Variants in CADPS observed in about 807,000 individuals in gnomAD.
CADPS encodes the protein calcium-dependent secretion activator 1.
A neutral mutation model predicts 167.3 loss-of-function variants in CADPS; 57 were observed. The ratio of observed to expected loss-of-function variants is 0.34; its 90% CI spans 0.28 to 0.42. The LOEUF is 0.42. CADPS is among the 20% of genes least tolerant of loss of function. CADPS has a pLI of 1.00. For synonymous variants in CADPS, 676 were observed against 635.3 expected (o/e 1.06, Z -0.96); for missense variants, 1,414 against 1,738.1 (o/e 0.81, Z 3.32).
chr3:62,645,069 T>A (rs548836385), intron 6 of CADPS, among the ~76,000 whole-genome samples: 2 of 152,226 alleles, frequency 1.3e-5, no homozygotes, highest in East Asian at 3.9e-4. Flanking sequence ...GCTAATACAT[T>A]CAGAACTATG....
chr3:62,608,697 CT>C (rs530119803), intron 6 of CADPS, among the ~76,000 whole-genome samples: 19 of 152,172 alleles, frequency 1.2e-4, no homozygotes, highest in Admixed American at 5.9e-4. Flanking sequence ...TATACAGTTC[CT>C]TTTAAAATGT....
chr3:62,771,283 A>G (rs970260748), intron 1 of CADPS, among the ~76,000 whole-genome samples: 2 of 152,208 alleles, frequency 1.3e-5, no homozygotes, highest in East Asian at 1.9e-4. Flanking sequence ...CTCTGGCGAT[A>G]TAACAGTATC....
chr3:62,476,748 G>A (rs1247938956), intron 23 of CADPS, among the ~76,000 whole-genome samples: 1 of 152,094 alleles, frequency 6.6e-6, no homozygotes, highest in Non-Finnish European at 1.5e-5. Context: ...GGACATGCAT[G>A]TCTTTCTGTA....
chr3:62,772,239 T>A (rs1263251027), intron 1 of CADPS, among the ~76,000 whole-genome samples: 1 of 152,216 alleles, frequency 6.6e-6, no homozygotes, highest in Admixed American at 6.5e-5. Context: ...CTTTTGAAGG[T>A]ATCACTGATG....
intron 7 of CADPS, among the ~76,000 whole-genome samples, chr3:62,588,398 A>G (rs1484104402): frequency 7.0e-6 from 1 of 143,170 alleles, no homozygotes. Context: ...AGGGTTTTTT[A>G]CCAGTCATTA....
intron 8 of CADPS, among the ~76,000 whole-genome samples, chr3:62,573,633 T>G (rs901483895): frequency 6.6e-6 from 1 of 152,214 alleles, no homozygotes; most frequent in Non-Finnish European, 1.5e-5. Context: ...CCTCTGTAAC[T>G]TGGTACAACC....
chr3:62,824,007 G>T (rs2073529445), intron 1 of CADPS, among the ~76,000 whole-genome samples: 1 of 151,926 alleles, frequency 6.6e-6, no homozygotes, highest in Admixed American at 6.6e-5. Flanking sequence ...ATTACATAAT[G>T]TGCAAGGGGA....
chr3:62,855,655 G>C lies in CADPS; in HGVS notation c.441+18934C>G, dbSNP rs1044967942. ...TAGCTGAAGTAGCAAGTCACAAAAC[G>C]TAAGTTGTCAAATGTCTAGTTTTGC... On this transcript the variant is annotated intron_variant, in intron 1 of 29. Coordinates refer to ENST00000383710, the MANE Select transcript of CADPS (RefSeq NM_003716.4). 4.6e-5 allele frequency among the ~76,000 whole-genome samples: 7 copies of C among 152,208 alleles called. No homozygotes were observed. The East Asian group carries it at 9.7e-4, about 21-fold the overall frequency.
intron 28 of CADPS, among the ~76,000 whole-genome samples, chr3:62,424,692 C>T (rs1303206851): frequency 6.6e-6 from 1 of 152,016 alleles, no homozygotes; most frequent in Non-Finnish European, 1.5e-5. Flanking sequence ...TCAAATTCAC[C>T]AAAAAATCAA....
At chr3:62,442,897 A>G (rs2056591872) in intron 27 of CADPS, among the ~76,000 whole-genome samples, 1 of 152,196 alleles carries the variant, frequency 6.6e-6, no homozygotes, top group East Asian at 1.9e-4. Context: ...ATTATCTACC[A>G]TATATAAACA....
intron 3 of CADPS, among the ~76,000 whole-genome samples, chr3:62,697,099 C>G (rs984151363): frequency 1.3e-5 from 2 of 152,072 alleles, no homozygotes; most frequent in African/African-American, 4.8e-5. Context: ...GGGCAAATTA[C>G]TTAAATATAG....
chr3:62,649,541 GTCTTTTTTTT>G lies in CADPS; in HGVS notation c.1203+1296_1203+1305del, dbSNP rs1272007965. 8.4e-4 allele frequency among the ~76,000 whole-genome samples: 63 copies of G among 75,008 alleles called. 1 individual carries two copies. Among genetic ancestry groups the G allele is most frequent in the African/African-American group, 2.8e-3 (59 of 20,750 alleles). The allele number at this position is 75,008 out of a possible 152,430, so 49.2% of individuals were successfully genotyped here. A position where few individuals can be genotyped will look rare whatever the true frequency, so the allele number is the denominator to read the frequency against. ...TATCAAGGGAATCATACAATATGTG[GTCTTTTTTTT>G]TTTTTTTTTTTTTTTTTTTTTTTTT... On this transcript the variant is annotated intron_variant, in intron 5 of 29. Transcript: ENST00000383710.
At chr3:62,409,191 TGGGAC>T (rs746850191) in intron 28 of CADPS, among the ~76,000 whole-genome samples, 16 of 152,242 alleles carry the variant, frequency 1.1e-4, no homozygotes, top group Non-Finnish European at 2.4e-4. Flanking sequence ...TAGTAAGTGG[TGGGAC>T]AAGTTTCAAG....
chr3:62,501,461 C>A (rs184319092), intron 17 of CADPS, among the ~76,000 whole-genome samples: 105 of 152,266 alleles, frequency 6.9e-4, no homozygotes, highest in Non-Finnish European at 3.4e-4. Flanking sequence ...CACATTTACA[C>A]ATCAATTTGC....
chr3:62,608,334 G>C (rs2060986950), intron 6 of CADPS, among the ~76,000 whole-genome samples: 1 of 150,998 alleles, frequency 6.6e-6, no homozygotes, highest in African/African-American at 2.4e-5. Flanking sequence ...CCATATTGGA[G>C]CATATTGGCA....
In CADPS at chr3:62,783,282, CT is replaced by C. The variant is rs76514617; in HGVS notation, c.442-17299del. Among the ~76,000 whole-genome samples the C allele has an allele frequency of 5.3e-3, 773 of 144,550 alleles. 2 individuals are homozygous for C. Among genetic ancestry groups the C allele is most frequent in the African/African-American group, 9.8e-3 (390 of 39,762 alleles). 94.8% of individuals were successfully genotyped at this position (144,550 alleles called of 152,430 possible). On this transcript the variant is annotated intron_variant, in intron 1 of 29. Coordinates refer to ENST00000383710, the MANE Select transcript of CADPS (RefSeq NM_003716.4). Reference sequence around the variant, plus strand: ...CACAGGTGGGAATGGTGCACCTCAACTTTTTTTTTTTTTTGAACCACTAAGA... The same window carrying C: ...CACAGGTGGGAATGGTGCACCTCAACTTTTTTTTTTTTTGAACCACTAAGA...
chr3:62,658,495 C>T (rs1263533536), intron 4 of CADPS, among the ~76,000 whole-genome samples: 2 of 152,082 alleles, frequency 1.3e-5, no homozygotes, highest in Non-Finnish European at 2.9e-5. Flanking sequence ...GAACCTTGGT[C>T]AGATTCTCTA....
intron 23 of CADPS, among the ~76,000 whole-genome samples, chr3:62,477,666 A>G (rs553564053): frequency 1.3e-5 from 2 of 152,240 alleles, no homozygotes; most frequent in Admixed American, 6.5e-5. Flanking sequence ...CAGTGACAAA[A>G]CAGGGAATCT....
At chr3:62,448,629 G>C (rs1014430325) in intron 26 of CADPS, among the ~76,000 whole-genome samples, 2 of 151,574 alleles carry the variant, frequency 1.3e-5, no homozygotes, top group African/African-American at 2.4e-5. Context: ...TTTGGGGGGG[G>C]GTGGTATGGA....
Sources: gnomAD v4.1 joint callset for allele counts (sites outside exome capture counted in the v4.1 genomes callset) on GRCh38, gnomAD v4.1.1 for gene constraint, MANE v1.5 for transcripts, NCBI Gene and HGNC (gene_info 2026-07-23, HGNC 2026-07-21) for gene names.